Variants in PCDH15 observed in about 807,000 individuals in gnomAD.
The protein encoded by PCDH15 is protocadherin-15.
A neutral mutation model predicts 178.5 loss-of-function variants in PCDH15; 129 were observed. The observed-to-expected ratio is 0.72, with a 90% CI of 0.63 to 0.84. The LOEUF is 0.84. Ranked by LOEUF, PCDH15 falls within the 40% of genes least tolerant of loss-of-function variation. The pLI is 0.00. For missense variants in PCDH15, 2,230 were observed against 2,099.9 expected (o/e 1.06, Z -1.21); for synonymous variants, 800 against 732.0 (o/e 1.09, Z -1.50).
chr10:55,272,910 C>T (rs567264996), intron 1 of PCDH15, among the ~76,000 whole-genome samples: 12 of 152,068 alleles, frequency 7.9e-5, no homozygotes, highest in East Asian at 1.9e-4. Flanking sequence ...CAAAATACTC[C>T]GAACATATCT....
intron 15 of PCDH15, among the ~76,000 whole-genome samples, chr10:54,099,513 A>AATATATATAT (rs1554965277): frequency 5.9e-5 from 7 of 117,900 alleles, no homozygotes; most frequent in African/African-American, 2.3e-4. Flanking sequence ...AAAAAAAAAA[A>AATATATATAT]ATATATATAT....
At chr10:55,007,314 T>C (rs943477652) in intron 2 of PCDH15, among the ~76,000 whole-genome samples, 3 of 152,206 alleles carry the variant, frequency 2.0e-5, no homozygotes, top group African/African-American at 7.2e-5. Context: ...GCCTAACTAT[T>C]ACCAACAGCA....
chr10:54,132,108 G>A (rs2042485396), intron 15 of PCDH15, among the ~76,000 whole-genome samples: 1 of 152,086 alleles, frequency 6.6e-6, no homozygotes, highest in South Asian at 2.1e-4. Context: ...GATAAACTCT[G>A]TTCTCTGAAC....
At chr10:55,198,716 C>G (rs1840162665) in intron 1 of PCDH15, among the ~76,000 whole-genome samples, 1 of 151,640 alleles carries the variant, frequency 6.6e-6, no homozygotes, top group African/African-American at 2.4e-5. Context: ...ATCTCCTGAC[C>G]TCCGCATCTG....
chr10:54,873,160 C>T (rs3847444), intron 3 of PCDH15, among the ~76,000 whole-genome samples: 113,373 of 151,978 alleles, frequency 0.75, 42,664 homozygotes, highest in East Asian at 0.89. Flanking sequence ...GATACACTTT[C>T]TAAAAAGGGG....
intron 3 of PCDH15, among the ~76,000 whole-genome samples, chr10:54,879,425 C>A (rs1360506559): frequency 6.6e-6 from 1 of 152,004 alleles, no homozygotes; most frequent in African/African-American, 2.4e-5. Context: ...GAAGCTTACC[C>A]AGTTTAACTG....
chr10:55,080,867 A>G lies in PCDH15; in HGVS notation c.-80+85709T>C, dbSNP rs140703759. 8.3e-4 allele frequency among the ~76,000 whole-genome samples: 127 copies of G among 152,218 alleles called. No individual in the cohort carries two copies. The East Asian group carries it at 0.017, about 21-fold the overall frequency. ...GTGGGGTTGCTGCTCCCAGCCCCAGACAGTCAGTTTTCAGGCTTGCCCACC... is the reference window on the plus strand; with the variant it reads ...GTGGGGTTGCTGCTCCCAGCCCCAGGCAGTCAGTTTTCAGGCTTGCCCACC... On this transcript the variant is annotated intron_variant, in intron 2 of 5. Coordinates refer to the PCDH15 transcript ENST00000458638.
rs1042868419 is a variant in PCDH15 at position 53,986,166 on chromosome 10, A to T, written c.2868+9483T>A. 4.7e-5 allele frequency among the ~76,000 whole-genome samples: 7 copies of T among 149,106 alleles called. No individual in the cohort carries two copies. The South Asian group carries it at 1.5e-3, about 32-fold the overall frequency. On this transcript the variant is annotated intron_variant, in intron 21 of 37. Coordinates refer to ENST00000644397, the MANE Select transcript of PCDH15 (RefSeq NM_001384140.1). ...GGTAAAGGATTTGAATAACTTTTTCAAAAAAAAACAACAACATACACACTC... is the reference window on the plus strand; with the variant it reads ...GGTAAAGGATTTGAATAACTTTTTCTAAAAAAAACAACAACATACACACTC...
At chr10:54,722,471 A>C (rs1837873192) in intron 1 of PCDH15, among the ~76,000 whole-genome samples, 1 of 151,564 alleles carries the variant, frequency 6.6e-6, no homozygotes, top group South Asian at 2.1e-4. Flanking sequence ...TTGCTTGTTT[A>C]GTTGATCCTT....
intron 18 of PCDH15, among the ~76,000 whole-genome samples, chr10:54,063,007 G>A (rs1264227053): frequency 3.3e-5 from 5 of 152,032 alleles, no homozygotes; most frequent in Admixed American, 2.6e-4. Context: ...TCAGCAATGT[G>A]GCATTTTAAA....
chr10:55,360,335 T>C (rs1284351285), intron 2 of PCDH15, among the ~76,000 whole-genome samples: 1 of 151,990 alleles, frequency 6.6e-6, no homozygotes, highest in Non-Finnish European at 1.5e-5. Context: ...AGAGGCTATC[T>C]TCATGACCTT....
intron 1 of PCDH15, among the ~76,000 whole-genome samples, chr10:54,734,431 T>C (rs2132700268): frequency 6.6e-6 from 1 of 152,008 alleles, no homozygotes; most frequent in South Asian, 2.1e-4. Flanking sequence ...AGTAGAGCAA[T>C]TGACACACTC....
intron 2 of PCDH15, among the ~76,000 whole-genome samples, chr10:55,042,730 T>C (rs1206118818): frequency 3.3e-5 from 5 of 152,116 alleles, no homozygotes; most frequent in Admixed American, 6.6e-5. Context: ...ACTAACTGGA[T>C]AAGAAAATGT....
At chr10:55,131,641 G>C (rs1207234343) in intron 2 of PCDH15, among the ~76,000 whole-genome samples, 2 of 152,070 alleles carry the variant, frequency 1.3e-5, no homozygotes, top group Non-Finnish European at 2.9e-5. Flanking sequence ...ACCCAAAGTG[G>C]GTAGCTCCTT....
rs189142176 is a variant in PCDH15 at position 55,586,503 on chromosome 10, G to A, written c.-156+41122C>T. On this transcript the variant is annotated intron_variant, in intron 2 of 5. Coordinates refer to the PCDH15 transcript ENST00000613346. ...AAAATTCCCTCAGCTATAAATTTGA[G>A]GTTGGTGATAATTGCAAAGATGCCA... Among the ~76,000 whole-genome samples, 595 of 152,058 alleles carry A rather than the reference G, an allele frequency of 3.9e-3. 3 individuals carry two copies. Among genetic ancestry groups the A allele is most frequent in the African/African-American group, 0.014 (568 of 41,494 alleles).
At chr10:53,866,597 CT>C (rs1296369027) in intron 27 of PCDH15, 44 bp downstream of exon 27, 1 of 1,408,316 alleles carries the variant, frequency 7.1e-7, no homozygotes, top group African/African-American at 1.4e-5. Context: ...TGACCTATGG[CT>C]AGTATCGTAG....
intron 1 of PCDH15, among the ~76,000 whole-genome samples, chr10:55,272,757 G>T (rs1815975867): frequency 6.6e-6 from 1 of 152,000 alleles, no homozygotes; most frequent in Non-Finnish European, 1.5e-5. Flanking sequence ...GACAGTTAAG[G>T]ACATTAAAGA....
At chr10:54,524,353 G>T (rs893978008) in intron 3 of PCDH15, among the ~76,000 whole-genome samples, 4 of 152,200 alleles carry the variant, frequency 2.6e-5, no homozygotes, top group Admixed American at 6.5e-5. Context: ...AGTCACAGTG[G>T]TGTGTTCCAA....
intron 2 of PCDH15, among the ~76,000 whole-genome samples, chr10:55,034,225 T>A (rs1290749430): frequency 1.3e-5 from 2 of 152,144 alleles, no homozygotes; most frequent in African/African-American, 2.4e-5. Flanking sequence ...AAGCAAGAGA[T>A]TACCTACTGA....
Sources: gnomAD v4.1 joint callset for allele counts (sites outside exome capture counted in the v4.1 genomes callset) on GRCh38, gnomAD v4.1.1 for gene constraint, MANE v1.5 for transcripts, NCBI Gene and HGNC (gene_info 2026-07-23, HGNC 2026-07-21) for gene names.